RIF1: variants seen among roughly 807,000 people sequenced by gnomAD.
The protein encoded by RIF1 is telomere-associated protein RIF1.
RIF1 carries 45 observed loss-of-function variants against 247.1 expected under a neutral mutation model. That is an observed-to-expected ratio of 0.18 (90% confidence interval 0.14 to 0.23). The LOEUF is 0.23. Among genes scored for constraint, RIF1 ranks in the 10% least tolerant of loss-of-function variants. The pLI, the probability that RIF1 is intolerant of heterozygous loss-of-function variation, is 1.00. For missense variants in RIF1, 2,967 were observed against 2,862.5 expected (o/e 1.04, Z -0.83); for synonymous variants, 1,087 against 978.8 (o/e 1.11, Z -2.06).
rs534713357 is a variant in RIF1 at position 151,465,339 on chromosome 2, A to C, written c.5819A>C (p.Glu1940Ala). Residue 1940 changes from glutamate to alanine, a missense_variant, in exon 30 of 36, where the codon GAA (glutamate) becomes GCA (alanine). Coordinates refer to ENST00000444746, the MANE Select transcript of RIF1 (RefSeq NM_018151.5). ...QERTKTGISE[E>A]AAIEENKRND... Reference sequence around the variant, plus strand: ...AGAACCAAAACTGGTATTTCTGAAGAAGCAGCAATAGAAGAAAATAAAAGA... The same window carrying C: ...AGAACCAAAACTGGTATTTCTGAAGCAGCAGCAATAGAAGAAAATAAAAGA... 4 of 1,613,906 alleles carry C rather than the reference A, an allele frequency of 2.5e-6. No homozygotes were observed. Among genetic ancestry groups the C allele is most frequent in the Non-Finnish European group, 3.4e-6 (4 of 1,179,946 alleles).
At position 151,443,540 on chromosome 2, in the gene RIF1, G is replaced by A; in HGVS notation, c.1817G>A (p.Ser606Asn). ...AATTTTTTGTTCAGGTTCTTTCTCA[G>A]TTTGGAATCACTTGTAGGCTGTGTT... ...CGVSDERFFL[S>N]LESLVGCVLS... Residue 606 changes from serine to asparagine, a missense_variant, in exon 18 of 36, where the codon AGT (serine) becomes AAT (asparagine). By Grantham distance (46) the Ser-to-Asn change is conservative. Coordinates refer to ENST00000444746, the MANE Select transcript of RIF1 (RefSeq NM_018151.5). The A allele has an allele frequency of 1.3e-6, 2 of 1,574,538 alleles. No homozygotes were observed. The highest frequency in any genetic ancestry group is 1.2e-5 in the South Asian group (1 of 83,148).
intron 21 of RIF1, among the ~76,000 whole-genome samples, chr2:151,453,951 AC>A (rs1191835835): frequency 6.6e-6 from 1 of 152,080 alleles, no homozygotes; most frequent in African/African-American, 2.4e-5. Context: ...GGTTTTCATT[AC>A]CCTCAATGTA....
chr2:151,497,074 A>G (rs772282131), intron 10 of RIF1: 4 of 1,543,114 alleles, frequency 2.6e-6, no homozygotes, highest in Non-Finnish European at 3.5e-6. Flanking sequence ...ACCATGAGTA[A>G]CATTTCATTT....
At chr2:151,434,437 A>ATTTTTTTTTTTTTTTTTTTTTTTATT (rs754795986) in intron 10 of RIF1, among the ~76,000 whole-genome samples, 1 of 107,034 alleles carries the variant, frequency 9.3e-6, no homozygotes, top group African/African-American at 3.6e-5. Context: ...TGGTTTTTGA[A>ATTTTTTTTTTTTTTTTTTTTTTTATT]TTTTTTTTTT....
At chr2:151,461,050 G>T in intron 26 of RIF1, 88 bp from the exon 27 acceptor site, 1 of 1,173,890 alleles carries the variant, frequency 8.5e-7, no homozygotes, top group African/African-American at 1.5e-5. Flanking sequence ...ATTGAAAAAT[G>T]GTGTCATTAT....
At chr2:151,414,355 T>C (rs79338106) in intron 3 of RIF1, among the ~76,000 whole-genome samples, 4,569 of 152,258 alleles carry the variant, frequency 0.03, 128 homozygotes, top group East Asian at 0.14. Flanking sequence ...AAAAAATTGT[T>C]TTATTTTACT....
chr2:151,531,168 G>A, the RIF1 span: 1 of 1,076,564 alleles, frequency 9.3e-7, no homozygotes, highest in Non-Finnish European at 1.4e-6. Context: ...AAATATAAAT[G>A]CAAAGTTTTT....
intron 6 of RIF1, among the ~76,000 whole-genome samples, chr2:151,418,037 G>A (rs922255807): frequency 2.0e-5 from 3 of 152,134 alleles, no homozygotes; most frequent in East Asian, 1.9e-4. Context: ...CACTTACCAC[G>A]AATGGAGGTT....
the RIF1 span, among the ~76,000 whole-genome samples, chr2:151,523,898 T>A: frequency 6.6e-6 from 1 of 151,958 alleles, no homozygotes; most frequent in Non-Finnish European, 1.5e-5. Context: ...GAAAAAAAAA[T>A]GAATATTTTC....
rs117145245 is a variant in RIF1, at chr2:151,444,659, G to T, written c.1987-679G>T. Reference sequence around the variant, plus strand: ...ACTCAAGCTAGCACACTATTCTTCTGGAAGAAAAGTCATTTACATTCTTAA... The same window carrying T: ...ACTCAAGCTAGCACACTATTCTTCTTGAAGAAAAGTCATTTACATTCTTAA... On this transcript the variant is annotated intron_variant, in intron 18 of 35. Coordinates refer to ENST00000444746, the MANE Select transcript of RIF1 (RefSeq NM_018151.5). 1.9e-3 allele frequency among the ~76,000 whole-genome samples: 292 copies of T among 152,234 alleles called. 9 individuals carry two copies. In the East Asian group the frequency reaches 0.047, roughly 24 times the overall value.
intron 15 of RIF1, 110 bp from the exon 16 acceptor site, chr2:151,441,795 G>A (rs894130345): frequency 1.6e-5 from 8 of 490,168 alleles, no homozygotes; most frequent in South Asian, 1.1e-4. Flanking sequence ...TTATATTTAC[G>A]TTAATGAATG....
Position 151,440,015 on chromosome 2 carries a change from G to C in RIF1, c.1547-12G>C. The C allele has an allele frequency of 1.2e-6, 1 of 810,570 alleles. No homozygotes were observed. 50.2% of individuals were successfully genotyped at this position (810,570 alleles called of 1,614,324 possible). On this transcript the variant is annotated splice_polypyrimidine_tract_variant and intron_variant, in intron 14 of 35. Coordinates refer to ENST00000444746, the MANE Select transcript of RIF1 (RefSeq NM_018151.5). ...AAAAAAGAACTATACCCTTCTTTTT[G>C]CTTTTTGATAGGTAACAAAAAAGAG...
rs991944591 is a variant in RIF1, at chr2:151,479,049, G to A, written c.*3978G>A. ...ATATGAACAAGTGGATTCTGATTCA[G>A]TAGATCTGCATTGGGCCCCGTGAGT... On this transcript the variant is annotated 3_prime_UTR_variant, in exon 36 of 36. Transcript: ENST00000444746. 2.6e-5 allele frequency: 4 copies of A among 152,152 alleles called. No individual in the cohort carries two copies. The highest frequency in any genetic ancestry group is 4.8e-5 in the African/African-American group (2 of 41,438). 9.4% of individuals were successfully genotyped at this position (152,152 alleles called of 1,614,324 possible). A position where few individuals can be genotyped will look rare whatever the true frequency, so the allele number is the denominator to read the frequency against.
the RIF1 span, among the ~76,000 whole-genome samples, chr2:151,528,254 G>A: frequency 2.0e-5 from 3 of 152,156 alleles, no homozygotes; most frequent in Non-Finnish European, 2.9e-5. Flanking sequence ...TAATTTGAGT[G>A]TCCTTGGGAG....
downstream of RIF1, among the ~76,000 whole-genome samples, chr2:151,511,541 C>T (rs7558940): frequency 6.6e-6 from 1 of 151,966 alleles, no homozygotes; most frequent in Non-Finnish European, 1.5e-5. Context: ...GTTGGACCAG[C>T]GAATCTACAT....
At chr2:151,484,639 T>C (rs1404943535), downstream of RIF1, among the ~76,000 whole-genome samples, 1 of 152,192 alleles carries the variant, frequency 6.6e-6, no homozygotes, top group African/African-American at 2.4e-5. Flanking sequence ...GCATATACTT[T>C]AGTATTCTAA....
At chr2:151,423,304 T>G in intron 8 of RIF1, 1 of 349,100 alleles carries the variant, frequency 2.9e-6, no homozygotes, top group East Asian at 6.9e-5. Flanking sequence ...AAGGTTACGC[T>G]CTGCCTTTTT....
chr2:151,414,956 A>T, intron 4 of RIF1, 37 bp downstream of exon 4: 1 of 1,312,484 alleles, frequency 7.6e-7, no homozygotes, highest in Non-Finnish European at 1.1e-6. Context: ...TTTTTAGAGT[A>T]TAAAGTATAA....
At chr2:151,411,236 C>G (rs1395610991) in intron 2 of RIF1, 24 bp from the exon 3 acceptor site, 1 of 1,426,626 alleles carries the variant, frequency 7.0e-7, no homozygotes, top group South Asian at 1.2e-5. Flanking sequence ...ACTACTTAAA[C>G]TTGTGTTCTT....
Sources: allele counts gnomAD v4.1 joint callset (sites outside exome capture counted in the v4.1 genomes callset), GRCh38; gene constraint gnomAD v4.1.1; transcripts MANE v1.5; gene names NCBI Gene and HGNC (gene_info 2026-07-23, HGNC 2026-07-21).